Variants in ARHGEF2 observed in about 807,000 individuals in gnomAD.
ARHGEF2 encodes Rho/Rac guanine nucleotide exchange factor 2, also known as rho guanine nucleotide exchange factor 2.
ARHGEF2 carries 22 observed loss-of-function variants against 121.0 expected under a neutral mutation model. The observed-to-expected ratio is 0.18, with a 90% CI of 0.13 to 0.26. The LOEUF (loss-of-function observed/expected upper bound fraction) is 0.26. Ranked by LOEUF, ARHGEF2 falls within the 10% of genes least tolerant of loss-of-function variation. ARHGEF2 has a pLI of 1.00. For synonymous variants in ARHGEF2, 487 were observed against 530.0 expected, an observed-to-expected ratio of 0.92 and a Z score of 1.11; for missense variants, 907 against 1,336.0, an observed-to-expected ratio of 0.68 and a Z score of 5.01.
chr1:155,952,235 A>G lies in ARHGEF2; in HGVS notation c.1985T>C (p.Val662Ala). The change falls in exon 16 of 22, where the codon GTG becomes GCG. Residue 662 changes from valine (V) to alanine (A), a missense_variant and splice_region_variant. Transcript: ENST00000361247. ...ERLLQDAIRE[V>A]EGLKDLLVGP... is the part of the protein sequence containing the mutation. ...CACCAGCAGGTCTTTCAGACCCTCC[A>G]CTGTGGGGAAAGAGGAAGAGGTGAG... The G allele has an allele frequency of 1.2e-6, 2 of 1,613,784 alleles. No individual in the cohort carries two copies. Among genetic ancestry groups the G allele is most frequent in the Non-Finnish European group, 1.7e-6 (2 of 1,179,890 alleles).
chr1:155,968,651 A>C (rs2102680406), intron 2 of ARHGEF2: 1 of 154,556 alleles, frequency 6.5e-6, no homozygotes, highest in African/African-American at 2.4e-5. Flanking sequence ...TGCTTGAAAC[A>C]GCAGAGATTT....
At chr1:155,959,744 C>T (rs1436948070) in intron 11 of ARHGEF2, among the ~76,000 whole-genome samples, 1 of 152,088 alleles carries the variant, frequency 6.6e-6, no homozygotes, top group East Asian at 1.9e-4. Context: ...GGGGTTTCAC[C>T]ATCTTGGCCA....
rs748171364 is a variant in ARHGEF2, at chr1:155,957,713, G to A, written c.1715C>T (p.Thr572Ile). ...ATGCAGGCGGCAGGCAGACACTCACGTGCGCACGCTCTGCTGAATGACCCG... is the reference window on the plus strand; with the variant it reads ...ATGCAGGCGGCAGGCAGACACTCACATGCGCACGCTCTGCTGAATGACCCG... ...WIRVIQQSVRTCPSREDFPLI... is the reference protein window; with the variant it reads ...WIRVIQQSVRICPSREDFPLI... Residue 572 changes from threonine (T) to isoleucine (I), a missense_variant and splice_region_variant, in exon 13 of 22, where the codon ACA (threonine) becomes ATA (isoleucine). Physicochemically the swap from Thr to Ile is moderately conservative, Grantham distance 89 (BLOSUM62 -1). Around this residue, in one of 2 missense-constraint regions of ARHGEF2, gnomAD observed 475 missense variants for 776.5 expected, o/e 0.61. Coordinates refer to ENST00000361247, the MANE Select transcript of ARHGEF2 (RefSeq NM_001162383.2). 93 of 1,610,058 alleles carry A rather than the reference G, an allele frequency of 5.8e-5. No individual in the cohort carries two copies. Among genetic ancestry groups the A allele is most frequent in the South Asian group, 1.3e-4 (12 of 90,714 alleles).
chr1:155,947,876 G>A lies in ARHGEF2; in HGVS notation c.*66C>T. The A allele has an allele frequency of 1.1e-6, 1 of 934,304 alleles. No homozygotes were observed. 57.9% of individuals were successfully genotyped at this position (934,304 alleles called of 1,614,324 possible). On this transcript the variant is annotated 3_prime_UTR_variant, in exon 22 of 22. Coordinates refer to ENST00000361247, the MANE Select transcript of ARHGEF2 (RefSeq NM_001162383.2). ...GTTCCCTCATCATTGGCAAATTGGAGTCCCCAAGGTTAGCCCCCTCAGTAA... is the reference window on the plus strand; with the variant it reads ...GTTCCCTCATCATTGGCAAATTGGAATCCCCAAGGTTAGCCCCCTCAGTAA...
chr1:155,947,533 T>C lies in ARHGEF2; in HGVS notation c.*409A>G, dbSNP rs375028995. 2 of 422,882 alleles carry C rather than the reference T, an allele frequency of 4.7e-6. No homozygotes were observed. Among genetic ancestry groups the C allele is most frequent in the East Asian group, 7.0e-5 (1 of 14,364 alleles). 26.2% of individuals were successfully genotyped at this position (422,882 alleles called of 1,614,324 possible). Reference sequence around the variant, plus strand: ...GACGGATGTTGCAGGGGAGGGCCGTTAGGGCAAGAACCCAGCAGCTGCGTG... The same window carrying C: ...GACGGATGTTGCAGGGGAGGGCCGTCAGGGCAAGAACCCAGCAGCTGCGTG... On this transcript the variant is annotated 3_prime_UTR_variant, in exon 22 of 22. Coordinates refer to ENST00000361247, the MANE Select transcript of ARHGEF2 (RefSeq NM_001162383.2).
intron 1 of ARHGEF2, chr1:155,970,270 T>C (rs1004233439): frequency 2.0e-6 from 2 of 985,454 alleles, no homozygotes; most frequent in Non-Finnish European, 2.4e-6. Context: ...ATTTTCCATC[T>C]CTGCTGTCTC....
At position 155,965,796 on chromosome 1, in the gene ARHGEF2, ACTCTGGTGCTTC is replaced by A. The variant is rs1171852306; in HGVS notation, c.341-48_341-37del. The A allele has an allele frequency of 7.0e-6, 11 of 1,566,634 alleles. 1 individual carries two copies. In the Middle Eastern group the frequency reaches 1.2e-3, roughly 170 times the overall value. On this transcript the variant is annotated intron_variant, in intron 4 of 21. Transcript: ENST00000361247. The surrounding 1 kb of genome is among the most constrained non-coding windows in gnomAD (Gnocchi z 6.0). ...GAGATGCCCAGCAGGCAAACATCAG[ACTCTGGTGCTTC>A]CCAGGATTGAGGCCTCCTAGGCTCC...
chr1:155,979,312 A>T, upstream of ARHGEF2: 1 of 985,386 alleles, frequency 1.0e-6, no homozygotes, highest in Non-Finnish European at 1.2e-6. Flanking sequence ...TCTCTGTTGC[A>T]AGTTAAGCCG....
At position 155,962,575 on chromosome 1, in the gene ARHGEF2, C is replaced by A. The variant is rs1678191285; in HGVS notation, c.1101+18G>T. 6.2e-7 allele frequency: 1 copy of A among 1,612,244 alleles called. No individual in the cohort carries two copies. Among genetic ancestry groups the A allele is most frequent in the South Asian group, 1.1e-5 (1 of 90,958 alleles). On this transcript the variant is annotated intron_variant, in intron 9 of 21. Transcript: ENST00000361247. This position sits in a 1 kb window ranked among gnomAD's most constrained non-coding sequence, Gnocchi z 5.8. ...TGGGTTTGGGCCATGAGCATGGGAT[C>A]TGGAGAGGTCCGCTCACCCGGATGA...
At chr1:155,970,859 C>T (rs1349465662) in intron 1 of ARHGEF2, 2 of 986,324 alleles carry the variant, frequency 2.0e-6, no homozygotes, top group Non-Finnish European at 2.4e-6. Flanking sequence ...CCAGGTTTGC[C>T]TGATGATGTC....
chr1:155,956,917 C>T (rs1324949368), intron 13 of ARHGEF2, among the ~76,000 whole-genome samples: 1 of 147,756 alleles, frequency 6.8e-6, no homozygotes, highest in Non-Finnish European at 1.5e-5. Context: ...AAAAATTTGC[C>T]TGGGGTCGTG....
intron 1 of ARHGEF2, among the ~76,000 whole-genome samples, chr1:155,972,734 C>G (rs780920997): frequency 6.6e-6 from 1 of 150,894 alleles, no homozygotes; most frequent in African/African-American, 2.4e-5. Flanking sequence ...CAGGGTCTCA[C>G]TCTGTTGCCT....
At chr1:155,968,751 C>G (rs898525423) in intron 2 of ARHGEF2, 7 of 180,226 alleles carry the variant, frequency 3.9e-5, no homozygotes, top group Admixed American at 2.9e-4. Context: ...CAGGCAGAGC[C>G]AGCTGCAAGG....
rs1675103050 is a variant in ARHGEF2, at chr1:155,950,075, T to A, written c.2887+224A>T. Reference sequence around the variant, plus strand: ...CCATGCCTTTTTAAAAAAGAATCTGTTTTTACTTCTAAAGGTTGGGAATCA... The same window carrying A: ...CCATGCCTTTTTAAAAAAGAATCTGATTTTACTTCTAAAGGTTGGGAATCA... On this transcript the variant is annotated intron_variant, in intron 21 of 21. Transcript: ENST00000361247. The surrounding 1 kb of genome is among the most constrained non-coding windows in gnomAD (Gnocchi z 5.2). 6.6e-6 allele frequency among the ~76,000 whole-genome samples: 1 copy of A among 152,000 alleles called. No homozygotes were observed. The highest frequency in any genetic ancestry group is 1.5e-5 in the Non-Finnish European group (1 of 68,002).
rs927646876 is a variant in ARHGEF2 at position 155,978,435 on chromosome 1, C to CG, written c.-9dup. 2 of 1,489,152 alleles carry CG rather than the reference C, an allele frequency of 1.3e-6. No homozygotes were observed. The highest frequency in any genetic ancestry group is 1.4e-5 in the African/African-American group (1 of 70,906). 92.2% of individuals were successfully genotyped at this position (1,489,152 alleles called of 1,614,324 possible). A position where few individuals can be genotyped will look rare whatever the true frequency, so the allele number is the denominator to read the frequency against. Reference sequence around the variant, plus strand: ...GGATTCGATCCGAGACATAATCGGACGGGGGGACCAGGGAGGACGCGGCGC... The same window carrying CG: ...GGATTCGATCCGAGACATAATCGGACGGGGGGGACCAGGGAGGACGCGGCGC... On this transcript the variant is annotated 5_prime_UTR_variant, in exon 1 of 22. Transcript: ENST00000361247. This position sits in a 1 kb window ranked among gnomAD's most constrained non-coding sequence, Gnocchi z 4.1.
chr1:155,961,820 C>G lies in ARHGEF2; in HGVS notation c.1309G>C (p.Glu437Gln). 1 of 1,613,954 alleles carries G rather than the reference C, an allele frequency of 6.2e-7. No homozygotes were observed. The highest frequency in any genetic ancestry group is 2.2e-5 in the East Asian group (1 of 44,868). ...ATCTCCTGCAGACGGGCCCCTTTCT[C>G]CAGCTGATAAATACCCTCGTCCACA... Reference protein sequence around the residue: ...SNVDEGIYQLEKGARLQEIYN... With the variant: ...SNVDEGIYQLQKGARLQEIYN... Residue 437 changes from glutamate to glutamine, a missense_variant, in exon 11 of 22, where the codon GAG (glutamate) becomes CAG (glutamine). By Grantham distance (29) the Glu-to-Gln change is conservative. This residue lies in a region of ARHGEF2 where 475 missense variants were observed against 776.5 expected (regional missense o/e 0.61). Coordinates refer to ENST00000361247, the MANE Select transcript of ARHGEF2 (RefSeq NM_001162383.2). The surrounding 1 kb of genome is among the most constrained non-coding windows in gnomAD (Gnocchi z 4.7).
intron 1 of ARHGEF2, among the ~76,000 whole-genome samples, chr1:155,971,894 A>ATATATATATATAT (rs1393456061): frequency 8.0e-5 from 12 of 150,782 alleles, no homozygotes; most frequent in African/African-American, 2.9e-4. Flanking sequence ...AAAAAAAAAA[A>ATATATATATATAT]ATATATACAT....
chr1:155,974,711 C>T (rs1379043475), intron 1 of ARHGEF2, among the ~76,000 whole-genome samples: 5 of 152,092 alleles, frequency 3.3e-5, no homozygotes, highest in South Asian at 2.1e-4. Context: ...GGAGTGGGTA[C>T]GGGTGAAACG....
intron 7 of ARHGEF2, among the ~76,000 whole-genome samples, chr1:155,963,828 C>T (rs893624604): frequency 2.0e-5 from 3 of 151,926 alleles, no homozygotes; most frequent in African/African-American, 7.3e-5. Context: ...CATGCCACCA[C>T]ACCTGACTAG....
Sources: gnomAD v4.1 joint callset for allele counts (sites outside exome capture counted in the v4.1 genomes callset) on GRCh38, gnomAD v4.1.1 for gene constraint, gnomAD v4.1.1 regional missense constraint, Gnocchi (gnomAD v3.1) non-coding constraint, MANE v1.5 for transcripts, NCBI Gene and HGNC (gene_info 2026-07-23, HGNC 2026-07-21) for gene names.